Variants in CAMK1D observed in about 807,000 individuals in gnomAD.
The protein encoded by CAMK1D is calcium/calmodulin-dependent protein kinase type 1D.
Under a neutral mutation model 47.7 loss-of-function variants are expected in CAMK1D, and 9 were observed. The ratio of observed to expected loss-of-function variants is 0.19; its 90% CI spans 0.11 to 0.33. The LOEUF (loss-of-function observed/expected upper bound fraction) is 0.33. CAMK1D is among the 10% of genes least tolerant of loss of function. The pLI, the probability that CAMK1D is intolerant of heterozygous loss-of-function variation, is 1.00. For missense variants in CAMK1D, 291 were observed against 488.7 expected (o/e 0.60, Z 3.81); for synonymous variants, 184 against 184.9 (o/e 0.99, Z 0.04).
chr10:12,801,262 T>TCCGTCC (rs879334771), intron 6 of CAMK1D, among the ~76,000 whole-genome samples: 2,291 of 146,368 alleles, frequency 0.016, 53 homozygotes, highest in East Asian at 0.085. Flanking sequence ...TCCATCCATC[T>TCCGTCC]GTCCGTCCAT....
chr10:12,750,375 G>T (rs1331291105), intron 3 of CAMK1D, among the ~76,000 whole-genome samples: 5 of 152,162 alleles, frequency 3.3e-5, no homozygotes, highest in Non-Finnish European at 4.4e-5. Flanking sequence ...TTTTGAAATG[G>T]ATGATTATTA....
intron 1 of CAMK1D, among the ~76,000 whole-genome samples, chr10:12,529,386 C>T (rs548033664): frequency 3.3e-5 from 5 of 152,142 alleles, no homozygotes; most frequent in Admixed American, 1.3e-4. Context: ...CTGCCATATA[C>T]GAATGGTATG....
chr10:12,664,199 G>C (rs925309249), intron 2 of CAMK1D, among the ~76,000 whole-genome samples: 11 of 152,142 alleles, frequency 7.2e-5, no homozygotes, highest in Non-Finnish European at 1.2e-4. Context: ...TAGATGATAA[G>C]CTTTTTGATA....
chr10:12,393,927 G>C (rs1327847702), intron 1 of CAMK1D, among the ~76,000 whole-genome samples: 1 of 152,184 alleles, frequency 6.6e-6, no homozygotes, highest in Non-Finnish European at 1.5e-5. Flanking sequence ...GTGTGTCCTA[G>C]AATTCACCTG....
chr10:12,546,796 A>T (rs1343461667), intron 1 of CAMK1D, among the ~76,000 whole-genome samples: 6 of 126,412 alleles, frequency 4.7e-5, no homozygotes, highest in South Asian at 5.7e-4. Flanking sequence ...AACATCACAC[A>T]CCGGGGACTG....
chr10:12,767,894 C>A (rs1217094664), intron 4 of CAMK1D, among the ~76,000 whole-genome samples: 2 of 152,142 alleles, frequency 1.3e-5, no homozygotes, highest in African/African-American at 4.8e-5. Context: ...TATTTTGAGA[C>A]GGAGTTTCAC....
intron 3 of CAMK1D, among the ~76,000 whole-genome samples, chr10:12,738,905 A>T (rs1835298169): frequency 6.6e-6 from 1 of 152,066 alleles, no homozygotes; most frequent in Non-Finnish European, 1.5e-5. Context: ...AAATTACCTT[A>T]TGAGGTATGT....
intron 3 of CAMK1D, among the ~76,000 whole-genome samples, chr10:12,747,838 A>G (rs1012706459): frequency 1.2e-4 from 18 of 152,202 alleles, no homozygotes; most frequent in Admixed American, 9.2e-4. Context: ...AAAGCAGTCA[A>G]GCAGGAGGGA....
At chr10:12,403,067 A>G (rs577346427) in intron 1 of CAMK1D, among the ~76,000 whole-genome samples, 46 of 150,770 alleles carry the variant, frequency 3.1e-4, no homozygotes, top group African/African-American at 9.8e-4. Flanking sequence ...TGCATTGTCT[A>G]CTTAAGCAAT....
intron 4 of CAMK1D, among the ~76,000 whole-genome samples, chr10:12,769,109 G>C (rs182957355): frequency 6.6e-6 from 1 of 152,174 alleles, no homozygotes; most frequent in Non-Finnish European, 1.5e-5. Context: ...GAAGTGCTGC[G>C]TCTTCCAATT....
Position 12,362,784 on chromosome 10 carries a change from A to G in CAMK1D, c.92+12874A>G, listed in dbSNP as rs567418912. 6.5e-3 allele frequency among the ~76,000 whole-genome samples: 988 copies of G among 152,154 alleles called. 11 individuals carry two copies. Among genetic ancestry groups the G allele is most frequent in the African/African-American group, 0.023 (943 of 41,514 alleles). On this transcript the variant is annotated intron_variant, in intron 1 of 10. Coordinates refer to ENST00000619168, the MANE Select transcript of CAMK1D (RefSeq NM_153498.4). ...CTCGGCCTCCCAAAGTGCTGGGATT[A>G]CAGGCGCCTGCCACCACGCTGGGCT...
chr10:12,578,921 A>C (rs2132333075), intron 2 of CAMK1D: 1 of 153,696 alleles, frequency 6.5e-6, no homozygotes, highest in Admixed American at 6.5e-5. Context: ...CGGTGGGTAG[A>C]GACGCATAGC....
rs1227790213 is a variant in CAMK1D, at chr10:12,458,562, G to A, written c.93-94663G>A. Among the ~76,000 whole-genome samples, 5 of 152,040 alleles carry A rather than the reference G, an allele frequency of 3.3e-5. No homozygotes were observed. The South Asian group carries it at 1.0e-3, about 32-fold the overall frequency. On this transcript the variant is annotated intron_variant, in intron 1 of 10. Transcript: ENST00000619168. ...CTTCCAAGTAGCTGGAACTAAAGGTGTGTGCTGTCATGCCCAACTAATTTT... is the reference window on the plus strand; with the variant it reads ...CTTCCAAGTAGCTGGAACTAAAGGTATGTGCTGTCATGCCCAACTAATTTT...
At chr10:12,361,490 C>T (rs1246976880) in intron 1 of CAMK1D, among the ~76,000 whole-genome samples, 4 of 147,224 alleles carry the variant, frequency 2.7e-5, no homozygotes, top group African/African-American at 1.0e-4. Flanking sequence ...TATGATCTGC[C>T]TGCCTTGGCC....
At chr10:12,573,707 G>A (rs544045052) in intron 2 of CAMK1D, among the ~76,000 whole-genome samples, 20 of 151,192 alleles carry the variant, frequency 1.3e-4, no homozygotes, top group Non-Finnish European at 2.9e-4. Context: ...AGGCTGGAGT[G>A]CAGTGGCCTG....
chr10:12,476,526 A>G (rs996524520), intron 1 of CAMK1D, among the ~76,000 whole-genome samples: 1 of 152,112 alleles, frequency 6.6e-6, no homozygotes, highest in African/African-American at 2.4e-5. Context: ...AAATAAAGAT[A>G]CCGTATAATG....
At chr10:12,352,342 G>T (rs560312680) in intron 1 of CAMK1D, among the ~76,000 whole-genome samples, 2 of 152,274 alleles carry the variant, frequency 1.3e-5, no homozygotes, top group African/African-American at 4.8e-5. Flanking sequence ...GGGCGTGGTG[G>T]CTCACACCTG....
intron 1 of CAMK1D, among the ~76,000 whole-genome samples, chr10:12,529,686 G>T (rs535742779): frequency 1.3e-5 from 2 of 152,180 alleles, no homozygotes; most frequent in South Asian, 4.1e-4. Flanking sequence ...CATGTACGGG[G>T]TCACACACAA....
At chr10:12,601,066 A>G (rs1164751494) in intron 2 of CAMK1D, among the ~76,000 whole-genome samples, 3 of 152,038 alleles carry the variant, frequency 2.0e-5, no homozygotes, top group South Asian at 2.1e-4. Context: ...TATCTTTGCA[A>G]TTGTGGGTGG....
Sources: gnomAD v4.1 joint callset for allele counts (sites outside exome capture counted in the v4.1 genomes callset) on GRCh38, gnomAD v4.1.1 for gene constraint, MANE v1.5 for transcripts, NCBI Gene and HGNC (gene_info 2026-07-23, HGNC 2026-07-21) for gene names.